Variants in PDE4DIP observed in about 807,000 individuals in gnomAD.
The protein encoded by PDE4DIP is phosphodiesterase 4D interacting protein.
In PDE4DIP, 59 loss-of-function variants were observed where a neutral mutation model predicts 221.4. The observed-to-expected ratio is 0.27, with a 90% CI of 0.22 to 0.33. The LOEUF (loss-of-function observed/expected upper bound fraction) is 0.33. Among genes scored for constraint, PDE4DIP ranks in the 10% least tolerant of loss-of-function variants. The pLI is 1.00. For missense variants in PDE4DIP, 1,036 were observed against 2,154.2 expected (o/e 0.48, Z 10.28); for synonymous variants, 404 against 815.9 (o/e 0.50, Z 8.60).
intron 1 of PDE4DIP, among the ~76,000 whole-genome samples, chr1:148,925,814 A>G (rs2046579633): frequency 1.3e-5 from 2 of 150,832 alleles, no homozygotes; most frequent in Non-Finnish European, 3.0e-5. Context: ...TATACTTATA[A>G]GAAAACTGAG....
At chr1:149,029,302 G>A (rs1243784623) in intron 41 of PDE4DIP, among the ~76,000 whole-genome samples, 6 of 152,178 alleles carry the variant, frequency 3.9e-5, no homozygotes, top group African/African-American at 1.2e-4. Context: ...CAGGTCAATG[G>A]CACCAATACC....
chr1:148,998,326 C>T (rs369255795), exon 23 of PDE4DIP: 1 of 1,609,608 alleles, frequency 6.2e-7, no homozygotes. Context: ...ACTGAAGGAG[C>T]TAAAGGCTCA....
chr1:148,935,074 C>T (rs1464854625), intron 4 of PDE4DIP, among the ~76,000 whole-genome samples: 1 of 152,044 alleles, frequency 6.6e-6, no homozygotes, highest in Non-Finnish European at 1.5e-5. Flanking sequence ...ATTGGTTGGG[C>T]ATGGTGGCGC....
intron 5 of PDE4DIP, chr1:148,952,759 T>C (rs587752016): frequency 7.6e-7 from 1 of 1,319,926 alleles, no homozygotes; most frequent in East Asian, 2.5e-5. Context: ...CTCGGGAAGC[T>C]TGCCACCCGC....
intron 1 of PDE4DIP, among the ~76,000 whole-genome samples, chr1:148,837,741 C>A (rs1673884962): frequency 8.0e-6 from 1 of 124,640 alleles, no homozygotes; most frequent in African/African-American, 3.2e-5. Flanking sequence ...AGGCTCCTGG[C>A]ACTCAGCTCC....
chr1:148,859,483 T>G (rs1683054178), intron 1 of PDE4DIP, among the ~76,000 whole-genome samples: 1 of 151,844 alleles, frequency 6.6e-6, no homozygotes, highest in African/African-American at 2.4e-5. Context: ...TTTAGTGGAA[T>G]TGGTATTGTC....
chr1:149,032,050 GT>G, exon 44 of PDE4DIP: 1 of 1,611,010 alleles, frequency 6.2e-7, no homozygotes, highest in Non-Finnish European at 8.5e-7. Context: ...AGCAGGAAAG[GT>G]GGGCCTGTCC....
chr1:148,962,749 T>C (rs2057234944), intron 9 of PDE4DIP, 109 bp downstream of exon 12: 1 of 366,554 alleles, frequency 2.7e-6, no homozygotes, highest in Admixed American at 4.5e-5. Flanking sequence ...AATCTAAGTA[T>C]TTCAGTTCAA....
intron 1 of PDE4DIP, among the ~76,000 whole-genome samples, chr1:148,816,224 CTG>C (rs1236358155): frequency 7.7e-3 from 1,102 of 142,606 alleles, no homozygotes; most frequent in African/African-American, 0.027. Flanking sequence ...CCTTTTGCCA[CTG>C]TGAATAATGC....
intron 1 of PDE4DIP, among the ~76,000 whole-genome samples, chr1:148,820,574 A>AAAAAAT (rs1668842167): frequency 1.4e-5 from 2 of 140,414 alleles, no homozygotes; most frequent in Non-Finnish European, 3.1e-5. Flanking sequence ...AAAAAAAAAA[A>AAAAAAT]AAAAAAGAAA....
At chr1:149,000,359 A>G (rs1425249274) in intron 23 of PDE4DIP, among the ~76,000 whole-genome samples, 2 of 152,180 alleles carry the variant, frequency 1.3e-5, no homozygotes, top group Non-Finnish European at 2.9e-5. Context: ...GTTCGAGACC[A>G]GCCTGCCCAA....
upstream of PDE4DIP, among the ~76,000 whole-genome samples, chr1:148,884,785 T>C (rs1325010222): frequency 3.9e-5 from 6 of 152,184 alleles, no homozygotes; most frequent in African/African-American, 1.4e-4. Flanking sequence ...CATATTGTCC[T>C]TTATAATTTG....
chr1:148,932,984 G>C (rs1292289827), intron 4 of PDE4DIP, among the ~76,000 whole-genome samples: 1 of 152,288 alleles, frequency 6.6e-6, no homozygotes, highest in South Asian at 2.1e-4. Context: ...TTATGAGCCA[G>C]AGTGTGAACC....
At chr1:149,029,439 T>C (rs3923395) in intron 41 of PDE4DIP, among the ~76,000 whole-genome samples, 276 of 152,306 alleles carry the variant, frequency 1.8e-3, no homozygotes, top group African/African-American at 6.4e-3. Context: ...ACTTCTGAAC[T>C]CTCAATCTTA....
exon 14 of PDE4DIP, chr1:148,969,021 G>C: frequency 6.2e-7 from 1 of 1,605,324 alleles, no homozygotes; most frequent in African/African-American, 1.3e-5. Context: ...CCAGGGAGCA[G>C]GAAAGCCAAG....
intron 22 of PDE4DIP, among the ~76,000 whole-genome samples, chr1:148,995,032 C>T (rs2063882031): frequency 6.6e-6 from 1 of 152,304 alleles, no homozygotes; most frequent in Non-Finnish European, 1.5e-5. Context: ...ATTTTCTTTA[C>T]CCATTTATCT....
intron 37 of PDE4DIP, among the ~76,000 whole-genome samples, chr1:149,023,362 A>T (rs2152742910): frequency 6.6e-6 from 1 of 151,762 alleles, no homozygotes; most frequent in African/African-American, 2.4e-5. Flanking sequence ...TACATGTTAT[A>T]TATGATATAT....
At chr1:149,001,865 C>T in exon 24 of PDE4DIP, 4 of 1,613,734 alleles carry the variant, frequency 2.5e-6, no homozygotes, top group Non-Finnish European at 3.4e-6. Context: ...TACTCCAGAG[C>T]TCCTTGTGCA....
chr1:149,003,033 G>C (rs370838321), exon 25 of PDE4DIP: 2 of 885,754 alleles, frequency 2.3e-6, no homozygotes, highest in South Asian at 1.6e-5. Context: ...GAAATACAGA[G>C]TTATGCTTAG....
Sources: allele counts gnomAD v4.1 joint callset (sites outside exome capture counted in the v4.1 genomes callset), GRCh38; gene constraint gnomAD v4.1.1; transcripts MANE v1.5; gene names NCBI Gene and HGNC (gene_info 2026-07-23, HGNC 2026-07-21).